Variants in DERL2 observed in about 807,000 individuals in gnomAD.
DERL2 encodes derlin 2.
A neutral mutation model predicts 32.0 loss-of-function variants in DERL2; 13 were observed. The observed-to-expected ratio is 0.41, with a 90% CI of 0.26 to 0.65. The LOEUF is 0.65. Among genes scored for constraint, DERL2 ranks in the 30% least tolerant of loss-of-function variants. The pLI is 0.35. For missense variants in DERL2, 208 were observed against 296.3 expected (o/e 0.70, Z 2.19); for synonymous variants, 111 against 104.7 (o/e 1.06, Z -0.37).
chr17:5,476,500 C>T (rs910147273), intron 6 of DERL2, among the ~76,000 whole-genome samples: 5 of 152,036 alleles, frequency 3.3e-5, no homozygotes, highest in Admixed American at 1.3e-4. Context: ...ACTGAGATCC[C>T]GGCAGGTGTG....
intron 6 of DERL2, among the ~76,000 whole-genome samples, chr17:5,475,697 TGA>T (rs1316763362): frequency 6.6e-6 from 1 of 152,058 alleles, no homozygotes; most frequent in Non-Finnish European, 1.5e-5. Context: ...TACAGTGAGC[TGA>T]GACTGCTCCA....
At position 5,480,379 on chromosome 17, in the gene DERL2, A is replaced by T. The variant is rs533845422; in HGVS notation, c.523+8T>A. The T allele has an allele frequency of 3.1e-6, 5 of 1,604,218 alleles. No individual in the cohort carries two copies. In the South Asian group the frequency reaches 4.5e-5, roughly 14 times the overall value. ...AAATAATTTAAAAAATAGTGAGAAG[A>T]GCCTTACCCAAAAGGTCCACAATGA... On this transcript the variant is annotated splice_region_variant and intron_variant, in intron 5 of 6. Coordinates refer to ENST00000158771, the MANE Select transcript of DERL2 (RefSeq NM_016041.5).
Position 5,474,418 on chromosome 17 carries a change from G to C in DERL2, c.*266C>G. ...TATACCATAAAAATCAAGTACTCAT[G>C]TACTTGTTAGAGGTGGCAGGATATT... On this transcript the variant is annotated 3_prime_UTR_variant, in exon 7 of 7. Transcript: ENST00000158771. The surrounding 1 kb of genome is among the most constrained non-coding windows in gnomAD (Gnocchi z 4.3). The C allele has an allele frequency of 2.9e-6, 1 of 349,186 alleles. No individual in the cohort carries two copies. Among genetic ancestry groups the C allele is most frequent in the South Asian group, 5.1e-5 (1 of 19,704 alleles). The allele number at this position is 349,186 out of a possible 1,614,324, so 21.6% of individuals were successfully genotyped here. A position where few individuals can be genotyped will look rare whatever the true frequency, so the allele number is the denominator to read the frequency against.
intron 6 of DERL2, 29 bp downstream of exon 6, chr17:5,480,025 G>C: frequency 7.1e-7 from 1 of 1,404,990 alleles, no homozygotes; most frequent in Non-Finnish European, 1.0e-6. Context: ...TTGCCTGTAA[G>C]AGTATGTAAC....
chr17:5,485,087 G>A, intron 2 of DERL2, 64 bp downstream of exon 2: 1 of 1,185,624 alleles, frequency 8.4e-7, no homozygotes, highest in Non-Finnish European at 1.2e-6. Flanking sequence ...AACAGGATTT[G>A]CTACTAAACA....
chr17:5,478,265 C>G (rs1905519634), intron 6 of DERL2, among the ~76,000 whole-genome samples: 1 of 152,074 alleles, frequency 6.6e-6, no homozygotes, highest in Non-Finnish European at 1.5e-5. Flanking sequence ...GTCCCAGCTA[C>G]TCAGGAGGCT....
In DERL2 at chr17:5,474,454, G is replaced by GT; in HGVS notation, c.*229dup. On this transcript the variant is annotated 3_prime_UTR_variant, in exon 7 of 7. Transcript: ENST00000158771. The surrounding 1 kb of genome is among the most constrained non-coding windows in gnomAD (Gnocchi z 4.3). ...AGGTGGCAGGATATTTGTTTCTCCAGTTTTTTGGCTCTAAGAAATTACACT... is the reference window on the plus strand; with the variant it reads ...AGGTGGCAGGATATTTGTTTCTCCAGTTTTTTTGGCTCTAAGAAATTACACT... 2.4e-6 allele frequency: 1 copy of GT among 421,768 alleles called. No homozygotes were observed. The highest frequency in any genetic ancestry group is 4.4e-5 in the Admixed American group (1 of 22,982). The allele number at this position is 421,768 out of a possible 1,614,324, so 26.1% of individuals were successfully genotyped here.
chr17:5,483,325 A>AT (rs1414393398), intron 2 of DERL2, among the ~76,000 whole-genome samples: 3 of 151,106 alleles, frequency 2.0e-5, no homozygotes, highest in Non-Finnish European at 4.4e-5. Flanking sequence ...AGAAAGGAAA[A>AT]TTCTTTTTTT....
intron 4 of DERL2, 123 bp from the exon 5 acceptor site, chr17:5,480,705 A>G: frequency 1.2e-6 from 1 of 851,832 alleles, no homozygotes; most frequent in Non-Finnish European, 1.7e-6. Context: ...TTACATCTTT[A>G]GAATAGAAGG....
Position 5,472,607 on chromosome 17 carries a change from CT to C in DERL2, c.*2076del, listed in dbSNP as rs1421817692. ...AGGCTGTATATTCAAAATGTATTTC[CT>C]GTTTTACCTAGTCATTAATGTATAC... On this transcript the variant is annotated 3_prime_UTR_variant, in exon 7 of 7. Transcript: ENST00000158771. 1 of 152,168 alleles carries C rather than the reference CT, an allele frequency of 6.6e-6. No individual in the cohort carries two copies. Among genetic ancestry groups the C allele is most frequent in the Non-Finnish European group, 1.5e-5 (1 of 68,036 alleles). The allele number at this position is 152,168 out of a possible 1,614,324, so 9.4% of individuals were successfully genotyped here. A position where few individuals can be genotyped will look rare whatever the true frequency, so the allele number is the denominator to read the frequency against.
At chr17:5,484,316 G>C (rs536168147) in intron 2 of DERL2, among the ~76,000 whole-genome samples, 38 of 152,306 alleles carry the variant, frequency 2.5e-4, no homozygotes, top group African/African-American at 7.9e-4. Flanking sequence ...GCACAATCTC[G>C]GCTCACTGCA....
chr17:5,474,770 G>T lies in DERL2; in HGVS notation c.634C>A (p.Pro212Thr). The T allele has an allele frequency of 6.2e-7, 1 of 1,613,496 alleles. No individual in the cohort carries two copies. Among genetic ancestry groups the T allele is most frequent in the Non-Finnish European group, 8.5e-7 (1 of 1,179,738 alleles). The change falls in exon 7 of 7, where the codon CCA becomes ACA. Residue 212 changes from proline to threonine, a missense_variant. Pro to Thr is a conservative substitution (Grantham distance 38, BLOSUM62 -1). Coordinates refer to ENST00000158771, the MANE Select transcript of DERL2 (RefSeq NM_016041.5). This position sits in a 1 kb window ranked among gnomAD's most constrained non-coding sequence, Gnocchi z 4.3. ...PSILKAIFDTPDEDPNYNPLP... is the reference protein window; with the variant it reads ...PSILKAIFDTTDEDPNYNPLP... ...GGATTGTAATTTGGATCCTCATCTGGTGTATCAAAAATAGCTTTCCTAAAA... is the reference window on the plus strand; with the variant it reads ...GGATTGTAATTTGGATCCTCATCTGTTGTATCAAAAATAGCTTTCCTAAAA...
At chr17:5,478,169 G>A (rs1166089089) in intron 6 of DERL2, among the ~76,000 whole-genome samples, 3 of 152,158 alleles carry the variant, frequency 2.0e-5, no homozygotes, top group South Asian at 4.1e-4. Flanking sequence ...TTCGAGACTA[G>A]CCTGGGCAAC....
intron 1 of DERL2, among the ~76,000 whole-genome samples, chr17:5,485,703 GC>G (rs1218382530): frequency 6.6e-6 from 1 of 152,088 alleles, no homozygotes; most frequent in East Asian, 1.9e-4. Context: ...TTTCCAGCTT[GC>G]TTTCCCCATT....
rs773347980 is a variant in DERL2, at chr17:5,480,478, G to A, written c.432C>T (p.Phe144=). The A allele has an allele frequency of 5.6e-6, 9 of 1,612,678 alleles. No homozygotes were observed. Among genetic ancestry groups the A allele is most frequent in the South Asian group, 4.4e-5 (4 of 90,768 alleles). Reference sequence around the variant, plus strand: ...AGGGGGCCTGGAAGTTGAGAAGGCCGAAGAAGTTCATGCGGACATAGGGGT... The same window carrying A: ...AGGGGGCCTGGAAGTTGAGAAGGCCAAAGAAGTTCATGCGGACATAGGGGT... ...RRNPYVRMNF[F]GLLNFQAPFL... The change falls in exon 5 of 7, where the codon TTC becomes TTT. Residue 144 remains phenylalanine, a synonymous_variant. Transcript: ENST00000158771.
intron 3 of DERL2, chr17:5,482,412 G>A: frequency 5.5e-6 from 1 of 181,178 alleles, no homozygotes; most frequent in Non-Finnish European, 1.1e-5. Context: ...CAGGACCCAA[G>A]GAGATCTCAG....
Position 5,480,375 on chromosome 17 carries a change from G to C in DERL2, c.523+12C>G, listed in dbSNP as rs756815239. Reference sequence around the variant, plus strand: ...GGTAAAATAATTTAAAAAATAGTGAGAAGAGCCTTACCCAAAAGGTCCACA... The same window carrying C: ...GGTAAAATAATTTAAAAAATAGTGACAAGAGCCTTACCCAAAAGGTCCACA... On this transcript the variant is annotated intron_variant, in intron 5 of 6. Transcript: ENST00000158771. The C allele has an allele frequency of 3.1e-6, 5 of 1,601,968 alleles. No individual in the cohort carries two copies. The highest frequency in any genetic ancestry group is 3.4e-6 in the Non-Finnish European group (4 of 1,176,346).
rs1039270905 is a variant in DERL2, at chr17:5,473,051, T to A, written c.*1633A>T. On this transcript the variant is annotated 3_prime_UTR_variant, in exon 7 of 7. Coordinates refer to ENST00000158771, the MANE Select transcript of DERL2 (RefSeq NM_016041.5). ...TTCCATTTAAAGACATTAAAACACT[T>A]TTCACTTCAAAAACAATCTGAAAAT... is the stretch of plus-strand genomic sequence containing the variant. 11 of 152,350 alleles carry A rather than the reference T, an allele frequency of 7.2e-5. No homozygotes were observed. The highest frequency in any genetic ancestry group is 1.3e-4 in the Non-Finnish European group (9 of 68,030). 9.4% of individuals were successfully genotyped at this position (152,350 alleles called of 1,614,324 possible).
chr17:5,473,573 A>T lies in DERL2; in HGVS notation c.*1111T>A, dbSNP rs959137166. 6.6e-6 allele frequency: 1 copy of T among 151,546 alleles called. No homozygotes were observed. Among genetic ancestry groups the T allele is most frequent in the African/African-American group, 2.4e-5 (1 of 41,276 alleles). 9.4% of individuals were successfully genotyped at this position (151,546 alleles called of 1,614,324 possible). A position where few individuals can be genotyped will look rare whatever the true frequency, so the allele number is the denominator to read the frequency against. ...AAGTCAACATTCTAACTTGGTTTCC[A>T]AATCTAATGAAAATCTGAGACCCTG... On this transcript the variant is annotated 3_prime_UTR_variant, in exon 7 of 7. Coordinates refer to ENST00000158771, the MANE Select transcript of DERL2 (RefSeq NM_016041.5).
Sources: gnomAD v4.1 joint callset for allele counts (sites outside exome capture counted in the v4.1 genomes callset) on GRCh38, gnomAD v4.1.1 for gene constraint, Gnocchi (gnomAD v3.1) non-coding constraint, MANE v1.5 for transcripts, NCBI Gene and HGNC (gene_info 2026-07-23, HGNC 2026-07-21) for gene names.